Variants in KIF1A observed in about 807,000 individuals in gnomAD.
The protein encoded by KIF1A is kinesin family member 1A, also known as kinesin-like protein KIF1A.
A neutral mutation model predicts 227.3 loss-of-function variants in KIF1A; 46 were observed. The ratio of observed to expected loss-of-function variants is 0.20; its 90% confidence interval spans 0.16 to 0.26. KIF1A has a LOEUF of 0.26. KIF1A is among the 10% of genes least tolerant of loss of function. KIF1A has a pLI of 1.00. For synonymous variants in KIF1A, 1,022 were observed against 1,012.8 expected, an observed-to-expected ratio of 1.01 and a Z score of -0.17; for missense variants, 1,683 against 2,485.9, an observed-to-expected ratio of 0.68 and a Z score of 6.87.
rs1194679801 is a variant in KIF1A, at chr2:240,766,739, T to TCACA, written c.1684+175_1684+176insTGTG. 2.7e-5 allele frequency among the ~76,000 whole-genome samples: 3 copies of TCACA among 111,248 alleles called. No individual in the cohort carries two copies. The highest frequency in any genetic ancestry group is 1.1e-4 in the African/African-American group (3 of 26,944). The allele number at this position is 111,248 out of a possible 152,430, so 73.0% of individuals were successfully genotyped here. A position where few individuals can be genotyped will look rare whatever the true frequency, so the allele number is the denominator to read the frequency against. ...CTCTCCAAATCTCTCTCTCTCTCTC[T>TCACA]CTCTCTCTCTCACACACACACACAC... On this transcript the variant is annotated intron_variant, in intron 19 of 48. Coordinates refer to ENST00000498729, the MANE Select transcript of KIF1A (RefSeq NM_001244008.2). The surrounding 1 kb of genome is among the most constrained non-coding windows in gnomAD (Gnocchi z 5.0).
intron 28 of KIF1A, among the ~76,000 whole-genome samples, chr2:240,749,236 G>C (rs1360850710): frequency 2.0e-5 from 3 of 152,190 alleles, no homozygotes; most frequent in Non-Finnish European, 4.4e-5. Flanking sequence ...AGCCAGGATA[G>C]CAGAGCCGGG....
chr2:240,721,774 CG>C, intron 44 of KIF1A, 32 bp downstream of exon 44: 1 of 1,565,574 alleles, frequency 6.4e-7, no homozygotes, highest in South Asian at 1.1e-5. Flanking sequence ...CCGAGCCCTG[CG>C]GGGCAGCCTG....
At chr2:240,753,941 G>T (rs1393436928) in intron 27 of KIF1A, among the ~76,000 whole-genome samples, 3 of 152,134 alleles carry the variant, frequency 2.0e-5, no homozygotes, top group Non-Finnish European at 4.4e-5. Flanking sequence ...CTAGGGCCAG[G>T]GTTGGCTTCC....
chr2:240,782,148 G>A (rs1187181904), intron 10 of KIF1A: 5 of 985,098 alleles, frequency 5.1e-6, no homozygotes, highest in Middle Eastern at 5.2e-4. Context: ...CGCGCTCCGC[G>A]GCACCTCCGA....
rs1241599950 is a variant in KIF1A, at chr2:240,767,140, A to G, written c.1578-119T>C. The G allele has an allele frequency of 4.5e-6, 5 of 1,113,314 alleles. No homozygotes were observed. The East Asian group carries it at 1.3e-4, about 28-fold the overall frequency. 69.0% of individuals were successfully genotyped at this position (1,113,314 alleles called of 1,614,324 possible). ...TTGGGAAACACCCAGCGCAGACATC[A>G]GTGGGGTCGCTGGGGAAGTCCAAAC... is the stretch of plus-strand genomic sequence containing the variant. On this transcript the variant is annotated intron_variant, in intron 18 of 48. Coordinates refer to ENST00000498729, the MANE Select transcript of KIF1A (RefSeq NM_001244008.2).
At chr2:240,780,567 C>T (rs1217705595) in intron 10 of KIF1A, among the ~76,000 whole-genome samples, 5 of 152,022 alleles carry the variant, frequency 3.3e-5, no homozygotes, top group South Asian at 2.1e-4. Flanking sequence ...CATGATTCCA[C>T]GTAGCTCCCC....
rs1559504121 is a variant in KIF1A at position 240,758,091 on chromosome 2, C to G, written c.2582+269G>C. ...CCTCACATATTCATACACATGGACC[C>G]ATGGGTTCTGGCGGCTACAGCCCTG... is the stretch of plus-strand genomic sequence containing the variant. On this transcript the variant is annotated intron_variant, in intron 26 of 48. Coordinates refer to ENST00000498729, the MANE Select transcript of KIF1A (RefSeq NM_001244008.2). The surrounding 1 kb of genome is among the most constrained non-coding windows in gnomAD (Gnocchi z 5.2). 6.6e-6 allele frequency among the ~76,000 whole-genome samples: 1 copy of G among 152,218 alleles called. No homozygotes were observed. The highest frequency in any genetic ancestry group is 1.5e-5 in the Non-Finnish European group (1 of 68,036).
chr2:240,724,682 T>A, intron 40 of KIF1A: 1 of 159,280 alleles, frequency 6.3e-6, no homozygotes, highest in Non-Finnish European at 1.4e-5. Context: ...ACATTCCGGC[T>A]CATTCTCCCC....
chr2:240,728,236 G>A (rs368324419), intron 38 of KIF1A, among the ~76,000 whole-genome samples: 5 of 152,306 alleles, frequency 3.3e-5, no homozygotes, highest in East Asian at 1.9e-4. Context: ...GGCTGCTGTC[G>A]GACACATGTC....
At chr2:240,808,892 G>A (rs758302067) in intron 1 of KIF1A, among the ~76,000 whole-genome samples, 13 of 151,636 alleles carry the variant, frequency 8.6e-5, no homozygotes, top group Non-Finnish European at 1.2e-4. Flanking sequence ...CACCACGCCC[G>A]GCTAATTTTT....
chr2:240,761,483 T>G (rs1475380768), intron 23 of KIF1A, 106 bp from the exon 24 acceptor site: 2 of 1,068,872 alleles, frequency 1.9e-6, no homozygotes, highest in African/African-American at 3.2e-5. Context: ...TGGGGCTGCC[T>G]AAGCTGACCC....
intron 4 of KIF1A, 137 bp downstream of exon 4, chr2:240,787,914 T>C (rs2055153666): frequency 1.2e-6 from 1 of 800,440 alleles, no homozygotes; most frequent in African/African-American, 1.7e-5. Flanking sequence ...AGCCCCACTC[T>C]TGACCCAGCT....
chr2:240,745,977 C>G (rs1018138884), intron 30 of KIF1A, 62 bp downstream of exon 30: 1 of 1,595,140 alleles, frequency 6.3e-7, no homozygotes, highest in Non-Finnish European at 8.5e-7. Context: ...AGGCCTGGGC[C>G]GGGCTCAGGA....
Position 240,757,511 on chromosome 2 carries a change from G to A in KIF1A, c.2666C>T (p.Thr889Ile), listed in dbSNP as rs2050003379. The A allele has an allele frequency of 6.4e-7, 1 of 1,550,598 alleles. No individual in the cohort carries two copies. Among genetic ancestry groups the A allele is most frequent in the Non-Finnish European group, 8.7e-7 (1 of 1,147,004 alleles). The change falls in exon 27 of 49, where the codon ACC (threonine) becomes ATC (isoleucine). Residue 889 changes from threonine to isoleucine, a missense_variant. Physicochemically the swap from Thr to Ile is moderately conservative, Grantham distance 89. This residue lies in a region of KIF1A where 759 missense variants were observed against 1,020.2 expected (regional missense o/e 0.74). Transcript: ENST00000498729. This position sits in a 1 kb window ranked among gnomAD's most constrained non-coding sequence, Gnocchi z 6.2. ...ERMAALTPSP[T>I]FSSPDSDATE... ...GGCGTCGGAGTCGGGGCTCGAGAAG[G>A]TGGGGGAGGGGGTGAGAGCAGCCAT...
At chr2:240,743,017 G>C in intron 33 of KIF1A, 33 bp from the exon 34 acceptor site, 3 of 1,568,020 alleles carry the variant, frequency 1.9e-6, no homozygotes, top group Non-Finnish European at 2.6e-6. Flanking sequence ...AGGTGTTTGC[G>C]GGACCCTGGG....
chr2:240,720,062 A>G (rs2045113488), intron 45 of KIF1A, 136 bp from the exon 46 acceptor site: 2 of 774,310 alleles, frequency 2.6e-6, no homozygotes, highest in Non-Finnish European at 3.7e-6. Flanking sequence ...AGCTGTGCCC[A>G]CAGTGGGAGC....
At chr2:240,763,675 G>A (rs2050805758) in intron 20 of KIF1A, among the ~76,000 whole-genome samples, 1 of 152,178 alleles carries the variant, frequency 6.6e-6, no homozygotes, top group Non-Finnish European at 1.5e-5. Flanking sequence ...ACACATGGGA[G>A]CCAGGACCCT....
At chr2:240,756,458 C>T (rs2049859546) in intron 27 of KIF1A, among the ~76,000 whole-genome samples, 1 of 152,224 alleles carries the variant, frequency 6.6e-6, no homozygotes, top group Admixed American at 6.5e-5. Flanking sequence ...GGGACGTCTG[C>T]TCCCTGGGTC....
At position 240,788,034 on chromosome 2, in the gene KIF1A, C is replaced by CCCCCCCCCCCTGGGG; in HGVS notation, c.363+16_363+17insCCCCAGGGGGGGGGG. ...CCCATCTGCCAGGGCTGCCCCCGCCCGCCCCCCGCTTCGTGCCTGTGGGAT... is the reference window on the plus strand; with the variant it reads ...CCCATCTGCCAGGGCTGCCCCCGCCCCCCCCCCCCCTGGGGGCCCCCCGCTTCGTGCCTGTGGGAT... On this transcript the variant is annotated intron_variant, in intron 4 of 48. Transcript: ENST00000498729. The surrounding 1 kb of genome is among the most constrained non-coding windows in gnomAD (Gnocchi z 6.6). 6.9e-7 allele frequency: 1 copy of CCCCCCCCCCCTGGGG among 1,449,062 alleles called. No individual in the cohort carries two copies. The highest frequency in any genetic ancestry group is 9.4e-7 in the Non-Finnish European group (1 of 1,059,100). 89.8% of individuals were successfully genotyped at this position (1,449,062 alleles called of 1,614,324 possible).
Sources: gnomAD v4.1 joint callset for allele counts (sites outside exome capture counted in the v4.1 genomes callset) on GRCh38, gnomAD v4.1.1 for gene constraint, gnomAD v4.1.1 regional missense constraint, Gnocchi (gnomAD v3.1) non-coding constraint, MANE v1.5 for transcripts, NCBI Gene and HGNC (gene_info 2026-07-23, HGNC 2026-07-21) for gene names.